Variants in WWOX observed in about 807,000 individuals in gnomAD.
The protein encoded by WWOX is WW domain containing oxidoreductase.
A neutral mutation model predicts 46.2 loss-of-function variants in WWOX; 69 were observed. The observed-to-expected ratio is 1.49, with a 90% CI of 1.23 to 1.82. The LOEUF (loss-of-function observed/expected upper bound fraction) is 1.82, where lower values mean the gene tolerates loss of function less well. WWOX is among the 40% of genes most tolerant of loss of function. The pLI is 0.00. For synonymous variants in WWOX, 359 were observed against 202.6 expected (o/e 1.77, Z -6.56); for missense variants, 919 against 542.6 (o/e 1.69, Z -6.89).
intron 8 of WWOX, among the ~76,000 whole-genome samples, chr16:78,668,617 A>G (rs989000537): frequency 6.6e-6 from 1 of 152,196 alleles, no homozygotes; most frequent in Non-Finnish European, 1.5e-5. Context: ...TCTGCGGGGA[A>G]CAGGTGAAGG....
intron 5 of WWOX, among the ~76,000 whole-genome samples, chr16:78,203,615 A>G (rs947368617): frequency 6.6e-6 from 1 of 152,190 alleles, no homozygotes; most frequent in African/African-American, 2.4e-5. Context: ...TGAAGGCAAG[A>G]TCAAGAGATG....
intron 5 of WWOX, among the ~76,000 whole-genome samples, chr16:78,362,537 A>G (rs1039286550): frequency 6.6e-6 from 1 of 152,068 alleles, no homozygotes; most frequent in Non-Finnish European, 1.5e-5. Flanking sequence ...TGAACTCGGG[A>G]GGTGGAGGTA....
intron 8 of WWOX, among the ~76,000 whole-genome samples, chr16:78,738,696 G>T (rs1240426215): frequency 6.6e-6 from 1 of 152,082 alleles, no homozygotes; most frequent in Non-Finnish European, 1.5e-5. Context: ...GAATGTGTAG[G>T]AGACGGGTCG....
chr16:79,141,971 G>C (rs2050098624), intron 8 of WWOX, among the ~76,000 whole-genome samples: 1 of 152,214 alleles, frequency 6.6e-6, no homozygotes, highest in South Asian at 2.1e-4. Context: ...TAGCAGGGAG[G>C]AGATGTCTAC....
At chr16:79,110,046 T>C (rs1220931216) in intron 8 of WWOX, among the ~76,000 whole-genome samples, 4 of 152,198 alleles carry the variant, frequency 2.6e-5, no homozygotes, top group African/African-American at 4.8e-5. Context: ...CTGGTAGATA[T>C]TGAGCAGGGT....
chr16:79,022,144 C>T (rs1597288993), intron 8 of WWOX, among the ~76,000 whole-genome samples: 1 of 152,162 alleles, frequency 6.6e-6, no homozygotes, highest in East Asian at 1.9e-4. Flanking sequence ...CCAGAAAGCA[C>T]CAAGCAATTT....
chr16:79,211,363 C>T (rs1217782955), intron 8 of WWOX, among the ~76,000 whole-genome samples: 1 of 152,080 alleles, frequency 6.6e-6, no homozygotes, highest in Non-Finnish European at 1.5e-5. Flanking sequence ...CAAGCCTGTC[C>T]CTGTATGAGG....
At chr16:78,496,525 C>T (rs369064923) in intron 8 of WWOX, 12 of 152,300 alleles carry the variant, frequency 7.9e-5, no homozygotes, top group African/African-American at 2.9e-4. Flanking sequence ...ATGATAACAT[C>T]AAAGGTGTGT....
At chr16:78,110,819 G>T (rs1809926563) in intron 3 of WWOX, among the ~76,000 whole-genome samples, 1 of 152,158 alleles carries the variant, frequency 6.6e-6, no homozygotes, top group African/African-American at 2.4e-5. Flanking sequence ...ACTTGTTAAG[G>T]ATCCCACAGC....
At chr16:78,260,765 C>T (rs1030175354) in intron 5 of WWOX, among the ~76,000 whole-genome samples, 1 of 149,820 alleles carries the variant, frequency 6.7e-6, no homozygotes, top group African/African-American at 2.5e-5. Flanking sequence ...ATGGTGAAAC[C>T]CCGTCTGTAC....
chr16:78,461,292 A>C (rs954723781), intron 8 of WWOX, among the ~76,000 whole-genome samples: 1 of 152,212 alleles, frequency 6.6e-6, no homozygotes, highest in African/African-American at 2.4e-5. Context: ...ATTCTGAGTC[A>C]TCGTCTGCTG....
At chr16:78,711,492 A>G (rs1271680516) in intron 8 of WWOX, among the ~76,000 whole-genome samples, 3 of 152,208 alleles carry the variant, frequency 2.0e-5, no homozygotes, top group East Asian at 1.9e-4. Flanking sequence ...AAGACTATCA[A>G]TTTTAGAGCA....
At chr16:78,307,345 GT>G (rs1368500357) in intron 5 of WWOX, among the ~76,000 whole-genome samples, 8 of 152,164 alleles carry the variant, frequency 5.3e-5, no homozygotes, top group African/African-American at 1.9e-4. Context: ...CTTTGGAGAT[GT>G]GATCAAGTTC....
At chr16:78,231,320 T>C (rs1281911890) in intron 5 of WWOX, among the ~76,000 whole-genome samples, 3 of 152,204 alleles carry the variant, frequency 2.0e-5, no homozygotes, top group Non-Finnish European at 4.4e-5. Context: ...CATAAAAAAA[T>C]GTATATTACT....
intron 5 of WWOX, among the ~76,000 whole-genome samples, chr16:78,338,363 T>G (rs1481327802): frequency 8.2e-6 from 1 of 121,226 alleles, no homozygotes; most frequent in Non-Finnish European, 2.0e-5. Context: ...GAGACAAAAT[T>G]GTTGTTTTCC....
intron 8 of WWOX, among the ~76,000 whole-genome samples, chr16:78,615,124 A>G (rs991870372): frequency 2.0e-5 from 3 of 152,220 alleles, no homozygotes; most frequent in Admixed American, 1.3e-4. Flanking sequence ...GTACAAGTTT[A>G]TATTTTTAGC....
intron 8 of WWOX, among the ~76,000 whole-genome samples, chr16:78,939,938 C>A (rs1349904520): frequency 6.6e-6 from 1 of 152,140 alleles, no homozygotes; most frequent in African/African-American, 2.4e-5. Flanking sequence ...ATTCGACTGC[C>A]CCCACCCAGA....
At chr16:78,124,479 C>G (rs1035947030) in intron 4 of WWOX, 1 of 152,178 alleles carries the variant, frequency 6.6e-6, no homozygotes, top group African/African-American at 2.4e-5. Flanking sequence ...CCTCAGCCTT[C>G]TCCAAAATAA....
At chr16:78,189,008 G>A (rs1344352106) in intron 5 of WWOX, among the ~76,000 whole-genome samples, 1 of 152,158 alleles carries the variant, frequency 6.6e-6, no homozygotes, top group Non-Finnish European at 1.5e-5. Flanking sequence ...GGTAAAATTT[G>A]GAGGTGCAGG....
Sources: allele counts gnomAD v4.1 joint callset (sites outside exome capture counted in the v4.1 genomes callset), GRCh38; gene constraint gnomAD v4.1.1; transcripts MANE v1.5; gene names NCBI Gene and HGNC (gene_info 2026-07-23, HGNC 2026-07-21).